Variants in DNAH17 observed in about 807,000 individuals in gnomAD.
The protein encoded by DNAH17 is dynein axonemal heavy chain 17.
A neutral mutation model predicts 485.6 loss-of-function variants in DNAH17; 376 were observed. The ratio of observed to expected loss-of-function variants is 0.77; its 90% confidence interval spans 0.71 to 0.84. The LOEUF is 0.84. Among genes scored for constraint, DNAH17 ranks in the 40% least tolerant of loss-of-function variants. DNAH17 has a pLI of 0.00. For synonymous variants in DNAH17, 3,031 were observed against 2,405.9 expected (o/e 1.26, Z -7.60); for missense variants, 6,370 against 5,839.3 (o/e 1.09, Z -2.96).
intron 55 of DNAH17, 115 bp from the exon 56 acceptor site, chr17:78,466,931 C>T: frequency 8.5e-7 from 1 of 1,173,456 alleles, no homozygotes; most frequent in Non-Finnish European, 1.2e-6. Context: ...GCTCAGCCGC[C>T]CAGGGCCTGG....
At chr17:78,485,355 G>A (rs1055738017) in intron 47 of DNAH17, among the ~76,000 whole-genome samples, 195 bp downstream of exon 47, 1 of 152,150 alleles carries the variant, frequency 6.6e-6, no homozygotes, top group Non-Finnish European at 1.5e-5. Context: ...CCACAAGGGA[G>A]CACCAGAAAG....
At chr17:78,495,459 CAG>C (rs1212512588) in intron 38 of DNAH17, among the ~76,000 whole-genome samples, 1 of 138,258 alleles carries the variant, frequency 7.2e-6, no homozygotes, top group Non-Finnish European at 1.5e-5. Flanking sequence ...TTTTTTGAGA[CAG>C]AGTTTTGTTC....
At chr17:78,455,858 TA>T in intron 62 of DNAH17, 22 bp from the exon 63 acceptor site, 2 of 1,558,448 alleles carry the variant, frequency 1.3e-6, no homozygotes, top group East Asian at 4.7e-5. Context: ...TGAGAGAGAA[TA>T]AAACATATTT....
At chr17:78,468,942 T>C in intron 54 of DNAH17, 59 bp from the exon 55 acceptor site, 4 of 1,561,278 alleles carry the variant, frequency 2.6e-6, no homozygotes, top group East Asian at 2.3e-5. Context: ...ATTAGAGACA[T>C]CCTCCACAAC....
intron 48 of DNAH17, 127 bp downstream of exon 48, chr17:78,484,741 C>G: frequency 2.7e-6 from 1 of 370,152 alleles, no homozygotes; most frequent in Non-Finnish European, 4.3e-6. Context: ...GTTGCAGCAC[C>G]CCCCCCACCG....
chr17:78,538,416 A>G (rs1463176709), intron 18 of DNAH17, among the ~76,000 whole-genome samples: 9 of 152,194 alleles, frequency 5.9e-5, no homozygotes, highest in Non-Finnish European at 1.3e-4. Flanking sequence ...GCCAGGATCC[A>G]CCAGGCTGTG....
chr17:78,487,047 G>T (rs1023848986), intron 44 of DNAH17, among the ~76,000 whole-genome samples: 2 of 144,298 alleles, frequency 1.4e-5, no homozygotes, highest in Non-Finnish European at 3.0e-5. Flanking sequence ...CATGTTCAGT[G>T]TAAGAGTACA....
chr17:78,534,106 C>CA (rs1445027247), intron 19 of DNAH17, among the ~76,000 whole-genome samples: 10 of 152,240 alleles, frequency 6.6e-5, no homozygotes, highest in Non-Finnish European at 4.4e-5. Flanking sequence ...CATGCATATG[C>CA]AAACCAGCCG....
rs559257692 is a variant in DNAH17 at position 78,571,582 on chromosome 17, G to A, written c.732+8C>T. 17 of 1,613,624 alleles carry A rather than the reference G, an allele frequency of 1.1e-5. No homozygotes were observed. In the East Asian group the frequency reaches 3.3e-4, roughly 32 times the overall value. ...GGCTGCAGCCCCACAGGAGAGAGGA[G>A]GCCGTACCTGTTCATGGATGCACTT... On this transcript the variant is annotated splice_region_variant and intron_variant, in intron 4 of 80. Coordinates refer to ENST00000389840, the MANE Select transcript of DNAH17 (RefSeq NM_173628.4).
Position 78,479,040 on chromosome 17 carries a change from G to C in DNAH17, c.7977C>G (p.Leu2659=). ...KFHYVFNLRD[L]SNIFQGLLFS... is the part of the protein sequence containing the mutation. ...AGAGCAGTACCTGGAAAATATTGGA[G>C]AGGTCCCTGAGGTTGAAGACATAAT... Residue 2659 remains leucine, a synonymous_variant, in exon 51 of 81, where the codon CTC becomes CTG. Transcript: ENST00000389840. 1.9e-6 allele frequency: 3 copies of C among 1,613,946 alleles called. No homozygotes were observed. The highest frequency in any genetic ancestry group is 2.5e-6 in the Non-Finnish European group (3 of 1,179,862).
At position 78,574,714 on chromosome 17, in the gene DNAH17, T is replaced by A. The variant is rs1184968270; in HGVS notation, c.344A>T (p.Glu115Val). The change falls in exon 2 of 81, where the codon GAG becomes GTG. Residue 115 changes from glutamate to valine, a missense_variant and splice_region_variant. Transcript: ENST00000389840. Reference protein sequence around the residue: ...PVDQLIAVVEEVLSSLLNQSE... With the variant: ...PVDQLIAVVEVVLSSLLNQSE... ...GGATGGCAGCCTGGACGCACTCACC[T>A]CCTCCACCACCGCGATCAGCTGGTC... The A allele has an allele frequency of 6.3e-7, 1 of 1,598,132 alleles. No homozygotes were observed. Among genetic ancestry groups the A allele is most frequent in the East Asian group, 2.2e-5 (1 of 44,592 alleles).
chr17:78,567,518 G>C (rs2092287066), intron 9 of DNAH17, among the ~76,000 whole-genome samples: 1 of 152,124 alleles, frequency 6.6e-6, no homozygotes, highest in Non-Finnish European at 1.5e-5. Context: ...CTCCGCTGTG[G>C]GAAGCGGTTG....
At chr17:78,526,413 G>A (rs538941033) in intron 24 of DNAH17, among the ~76,000 whole-genome samples, 2 of 152,246 alleles carry the variant, frequency 1.3e-5, no homozygotes, top group African/African-American at 4.8e-5. Context: ...TCTGAGCTGC[G>A]AGACACAGAG....
rs748531828 is a variant in DNAH17 at position 78,501,693 on chromosome 17, C to T, written c.5322+49G>A. Reference sequence around the variant, plus strand: ...GTCCCTGAATGCACTGCCCTGAACCCGGTGTCCCCTTGCCCTTCCCCTGGC... The same window carrying T: ...GTCCCTGAATGCACTGCCCTGAACCTGGTGTCCCCTTGCCCTTCCCCTGGC... On this transcript the variant is annotated intron_variant, in intron 34 of 80. Coordinates refer to ENST00000389840, the MANE Select transcript of DNAH17 (RefSeq NM_173628.4). 4.5e-5 allele frequency: 72 copies of T among 1,597,742 alleles called. 1 individual carries two copies. Among genetic ancestry groups the T allele is most frequent in the East Asian group, 3.6e-4 (16 of 44,672 alleles).
intron 12 of DNAH17, 82 bp from the exon 13 acceptor site, chr17:78,561,017 T>C (rs938886179): frequency 1.7e-5 from 23 of 1,383,790 alleles, no homozygotes; most frequent in Middle Eastern, 1.8e-4. Flanking sequence ...TGCTGCCCGA[T>C]CTGGGGTGCC....
intron 11 of DNAH17, 87 bp from the exon 12 acceptor site, chr17:78,562,067 T>A: frequency 6.9e-7 from 1 of 1,451,602 alleles, no homozygotes; most frequent in South Asian, 1.4e-5. Flanking sequence ...GCAGGGCCAA[T>A]CTTCAGGAGT....
chr17:78,569,481 C>G lies in DNAH17; in HGVS notation c.1091G>C (p.Gly364Ala), dbSNP rs779848158. The change falls in exon 8 of 81, where the codon GGT becomes GCT. Residue 364 changes from glycine (G) to alanine (A), a missense_variant. Transcript: ENST00000389840. ...SPEEVLKGLQ[G>A]EIEEVLSGIS... ...GCCACTCAGGACTTCCTCGATTTCA[C>G]CTTGCAGGCCCTTCAGCACCTCTTC... 4.3e-6 allele frequency: 7 copies of G among 1,610,378 alleles called. No individual in the cohort carries two copies. The African/African-American group carries it at 6.7e-5, about 15-fold the overall frequency.
intron 66 of DNAH17, among the ~76,000 whole-genome samples, chr17:78,451,208 C>T (rs2087535984): frequency 1.3e-5 from 2 of 152,248 alleles, no homozygotes; most frequent in African/African-American, 2.4e-5. Context: ...CCGAGGACCG[C>T]TGTGACTCAT....
intron 25 of DNAH17, among the ~76,000 whole-genome samples, chr17:78,517,796 C>T (rs1460644495): frequency 6.6e-6 from 1 of 152,226 alleles, no homozygotes; most frequent in African/African-American, 2.4e-5. Context: ...TCCAGCTTCT[C>T]TCTCTTACAA....
Sources: gnomAD v4.1 joint callset for allele counts (sites outside exome capture counted in the v4.1 genomes callset) on GRCh38, gnomAD v4.1.1 for gene constraint, MANE v1.5 for transcripts, NCBI Gene and HGNC (gene_info 2026-07-23, HGNC 2026-07-21) for gene names.